CYRIB: variants seen among roughly 807,000 people sequenced by gnomAD.
CYRIB encodes the protein CYFIP related Rac1 interactor B, also known as CYFIP-related Rac1 interactor B.
In CYRIB, 8 loss-of-function variants were observed where a neutral mutation model predicts 44.2. That is an observed-to-expected ratio of 0.18 (90% CI 0.11 to 0.33). The LOEUF (loss-of-function observed/expected upper bound fraction) is 0.33, where lower values mean the gene tolerates loss of function less well. CYRIB is among the 10% of genes least tolerant of loss of function. The probability of loss-of-function intolerance (pLI) is 1.00; values close to 1 mark genes in which losing one functional copy is unlikely to be tolerated. For synonymous variants in CYRIB, 131 were observed against 127.2 expected (o/e 1.03, Z -0.20); for missense variants, 185 against 382.8 (o/e 0.48, Z 4.31).
At chr8:130,011,577 G>C (rs1283369621) in intron 1 of CYRIB, among the ~76,000 whole-genome samples, 3 of 152,038 alleles carry the variant, frequency 2.0e-5, no homozygotes, top group South Asian at 2.1e-4. Context: ...CAGCACGTTG[G>C]GAGGCCGAGG....
intron 4 of CYRIB, chr8:129,864,753 G>T: frequency 5.5e-6 from 2 of 363,396 alleles, no homozygotes; most frequent in South Asian, 2.3e-5. Context: ...CAAAGCCTTC[G>T]GTACATTGCT....
intron 1 of CYRIB, among the ~76,000 whole-genome samples, chr8:129,927,501 A>C (rs1329085402): frequency 6.6e-6 from 1 of 152,204 alleles, no homozygotes; most frequent in African/African-American, 2.4e-5. Context: ...CTGACAATAA[A>C]TGTATTCACT....
chr8:129,869,111 C>T (rs941590050), intron 4 of CYRIB, among the ~76,000 whole-genome samples: 14 of 149,858 alleles, frequency 9.3e-5, no homozygotes, highest in Admixed American at 2.7e-4. Flanking sequence ...AAAGGCTGGG[C>T]GCGGTGGTTC....
intron 1 of CYRIB, among the ~76,000 whole-genome samples, chr8:129,988,850 A>G (rs916805977): frequency 1.3e-5 from 2 of 152,124 alleles, no homozygotes; most frequent in Non-Finnish European, 2.9e-5. Context: ...TAAGGAAAAA[A>G]TCTACAAAGA....
At chr8:129,932,680 A>G (rs2091877863) in intron 1 of CYRIB, among the ~76,000 whole-genome samples, 1 of 152,204 alleles carries the variant, frequency 6.6e-6, no homozygotes, top group Admixed American at 6.5e-5. Flanking sequence ...TTAGCTTGCA[A>G]GTAGGATAAA....
chr8:129,899,132 T>C (rs1303370213), intron 2 of CYRIB, among the ~76,000 whole-genome samples: 1 of 152,196 alleles, frequency 6.6e-6, no homozygotes, highest in African/African-American at 2.4e-5. Context: ...TCCAAAGTAC[T>C]GGGATTTACA....
intron 9 of CYRIB, 115 bp from the exon 12 acceptor site, chr8:129,849,484 G>A (rs2042123743): frequency 1.0e-6 from 1 of 986,462 alleles, no homozygotes; most frequent in Admixed American, 3.2e-5. Context: ...CTATCCATTA[G>A]TTGAATGCAG....
chr8:129,977,829 T>G (rs9297802), intron 1 of CYRIB, among the ~76,000 whole-genome samples: 93,282 of 152,114 alleles, frequency 0.61, 30,740 homozygotes, highest in African/African-American at 0.87. Flanking sequence ...ACTGCTCCCG[T>G]CCTGTCCTCA....
At chr8:129,908,298 A>C (rs750639205) in intron 1 of CYRIB, among the ~76,000 whole-genome samples, 50 of 152,182 alleles carry the variant, frequency 3.3e-4, no homozygotes, top group Non-Finnish European at 5.9e-4. Context: ...ACAACAGAAA[A>C]AAATAAACGA....
chr8:129,845,899 T>A (rs1401296853), intron 11 of CYRIB, among the ~76,000 whole-genome samples: 1 of 152,200 alleles, frequency 6.6e-6, no homozygotes, highest in African/African-American at 2.4e-5. Context: ...ATCTCAGCAC[T>A]CTGGGAGGCC....
rs577518398 is a variant in CYRIB, at chr8:129,975,726, C to G, written c.-295-4731G>C. ...AAGGAAAACAGGTGTTTTGCTTATTCTACTTGGCATAGCATGCTCTACTGC... is the reference window on the plus strand; with the variant it reads ...AAGGAAAACAGGTGTTTTGCTTATTGTACTTGGCATAGCATGCTCTACTGC... On this transcript the variant is annotated intron_variant, in intron 1 of 14. Transcript: ENST00000401979. Among the ~76,000 whole-genome samples the G allele has an allele frequency of 7.5e-4, 115 of 152,360 alleles. 2 individuals carry two copies. Among genetic ancestry groups the G allele is most frequent in the African/African-American group, 2.7e-3 (111 of 41,594 alleles).
At chr8:130,009,056 A>AT (rs2097165662) in intron 1 of CYRIB, among the ~76,000 whole-genome samples, 1 of 152,218 alleles carries the variant, frequency 6.6e-6, no homozygotes, top group Non-Finnish European at 1.5e-5. Context: ...CCTAAGAGCC[A>AT]CAACAAGCTG....
intron 2 of CYRIB, chr8:129,880,373 T>C: frequency 1.0e-6 from 1 of 985,782 alleles, no homozygotes; most frequent in Non-Finnish European, 1.2e-6. Context: ...TAAAGAGACT[T>C]ACTTTCAAAG....
At chr8:129,974,724 T>C (rs1339508945) in intron 1 of CYRIB, among the ~76,000 whole-genome samples, 1 of 151,706 alleles carries the variant, frequency 6.6e-6, no homozygotes, top group African/African-American at 2.4e-5. Flanking sequence ...ACAGATTTTT[T>C]TTTTTTTAAA....
At chr8:129,867,314 G>A (rs2054226724) in intron 4 of CYRIB, among the ~76,000 whole-genome samples, 1 of 147,486 alleles carries the variant, frequency 6.8e-6, no homozygotes, top group Non-Finnish European at 1.5e-5. Flanking sequence ...TAGTAGAGAT[G>A]CGGTTTTACT....
At chr8:130,000,770 C>G (rs2096889802) in intron 1 of CYRIB, among the ~76,000 whole-genome samples, 1 of 151,782 alleles carries the variant, frequency 6.6e-6, no homozygotes, top group African/African-American at 2.4e-5. Context: ...TAGTCCCAGC[C>G]CTTTGGGAGG....
intron 3 of CYRIB, 125 bp downstream of exon 5, chr8:129,879,264 A>C: frequency 1.5e-6 from 1 of 656,134 alleles, no homozygotes; most frequent in Non-Finnish European, 2.6e-6. Flanking sequence ...AAATTTACTC[A>C]AACAATTCAT....
chr8:130,016,226 G>C (rs2097341783), intron 1 of CYRIB, 144 bp downstream of exon 1: 1 of 147,052 alleles, frequency 6.8e-6, no homozygotes, highest in African/African-American at 2.5e-5. Flanking sequence ...CGCCCGGCCC[G>C]GCGGCCCGGA....
chr8:129,895,784 T>G (rs2067739085), intron 2 of CYRIB, among the ~76,000 whole-genome samples: 1 of 152,220 alleles, frequency 6.6e-6, no homozygotes, highest in African/African-American at 2.4e-5. Flanking sequence ...CCCAGGCTGG[T>G]CTTGAACTCC....
Sources: allele counts gnomAD v4.1 joint callset (sites outside exome capture counted in the v4.1 genomes callset), GRCh38; gene constraint gnomAD v4.1.1; transcripts MANE v1.5; gene names NCBI Gene and HGNC (gene_info 2026-07-23, HGNC 2026-07-21).